TGM6: variants seen among roughly 807,000 people sequenced by gnomAD.
TGM6 encodes protein-glutamine gamma-glutamyltransferase 6.
Under a neutral mutation model 77.5 loss-of-function variants are expected in TGM6, and 74 were observed. The ratio of observed to expected loss-of-function variants is 0.96; its 90% CI spans 0.79 to 1.16. The LOEUF (loss-of-function observed/expected upper bound fraction) is 1.16. Ranked by LOEUF, TGM6 falls within the 50% of genes most tolerant of loss-of-function variation. The pLI is 0.00. For missense variants in TGM6, 968 were observed against 940.2 expected (o/e 1.03, Z -0.39); for synonymous variants, 383 against 378.9 (o/e 1.01, Z -0.12).
intron 4 of TGM6, among the ~76,000 whole-genome samples, chr20:2,396,929 G>A (rs531084657): frequency 6.6e-6 from 1 of 152,292 alleles, no homozygotes; most frequent in African/African-American, 2.4e-5. Context: ...AGGAGGGATG[G>A]CGTGCTGGAC....
intron 9 of TGM6, among the ~76,000 whole-genome samples, chr20:2,404,578 T>C (rs1365120529): frequency 6.6e-6 from 1 of 151,908 alleles, no homozygotes; most frequent in Non-Finnish European, 1.5e-5. Context: ...CACAATCTGC[T>C]CTGAACACCT....
At chr20:2,412,494 T>C (rs1028176702) in intron 9 of TGM6, among the ~76,000 whole-genome samples, 65 of 150,280 alleles carry the variant, frequency 4.3e-4, no homozygotes, top group African/African-American at 1.5e-3. Flanking sequence ...TTTTATGTTA[T>C]GTATTTTATC....
intron 9 of TGM6, among the ~76,000 whole-genome samples, chr20:2,408,890 A>G (rs1000416488): frequency 2.6e-5 from 4 of 152,240 alleles, no homozygotes; most frequent in African/African-American, 9.6e-5. Flanking sequence ...TCAGATACTG[A>G]TAAGTATTTT....
intron 9 of TGM6, among the ~76,000 whole-genome samples, chr20:2,404,111 T>A (rs2084733911): frequency 6.6e-6 from 1 of 152,256 alleles, no homozygotes; most frequent in South Asian, 2.1e-4. Context: ...GCATTAGGTA[T>A]GTTCACATAC....
chr20:2,421,836 C>A (rs950936604), intron 10 of TGM6, among the ~76,000 whole-genome samples: 4 of 151,668 alleles, frequency 2.6e-5, no homozygotes, highest in African/African-American at 9.7e-5. Context: ...GGTATTGTAT[C>A]AAAAAAAATT....
At chr20:2,408,774 G>A (rs2084767701) in intron 9 of TGM6, among the ~76,000 whole-genome samples, 1 of 152,146 alleles carries the variant, frequency 6.6e-6, no homozygotes, top group African/African-American at 2.4e-5. Flanking sequence ...CTGAGTGCCA[G>A]GCAACCAGTG....
intron 4 of TGM6, among the ~76,000 whole-genome samples, chr20:2,397,301 C>A (rs1296928889): frequency 1.3e-5 from 2 of 152,176 alleles, no homozygotes; most frequent in African/African-American, 4.8e-5. Flanking sequence ...TAGAGGAATT[C>A]TGTCTGCCTG....
chr20:2,400,826 G>A (rs2084704147), intron 7 of TGM6, among the ~76,000 whole-genome samples: 1 of 152,046 alleles, frequency 6.6e-6, no homozygotes, highest in South Asian at 2.1e-4. Flanking sequence ...TGTCTCAGGT[G>A]GGAAACAGAC....
chr20:2,382,345 C>T (rs1412323028), intron 1 of TGM6, among the ~76,000 whole-genome samples: 3 of 152,136 alleles, frequency 2.0e-5, no homozygotes, highest in Non-Finnish European at 4.4e-5. Context: ...CCCTGATGGC[C>T]CTGGTGCAGA....
At chr20:2,418,343 G>T (rs755188500) in intron 10 of TGM6, among the ~76,000 whole-genome samples, 42 of 152,334 alleles carry the variant, frequency 2.8e-4, no homozygotes, top group Non-Finnish European at 5.6e-4. Flanking sequence ...CCTGTCCCAA[G>T]AATTCTGCAT....
intron 3 of TGM6, among the ~76,000 whole-genome samples, chr20:2,396,219 A>G (rs1412429327): frequency 1.3e-5 from 2 of 151,960 alleles, no homozygotes; most frequent in Admixed American, 1.3e-4. Context: ...GAAAAAAAGA[A>G]GGAAATATGA....
At chr20:2,386,093 C>T (rs771545846) in intron 1 of TGM6, among the ~76,000 whole-genome samples, 1 of 152,160 alleles carries the variant, frequency 6.6e-6, no homozygotes, top group African/African-American at 2.4e-5. Context: ...TCTATCTCCT[C>T]GCCTTGGGCT....
intron 9 of TGM6, among the ~76,000 whole-genome samples, chr20:2,404,493 G>T (rs1384749219): frequency 6.6e-6 from 1 of 152,080 alleles, no homozygotes; most frequent in Non-Finnish European, 1.5e-5. Context: ...GCTCAAACTT[G>T]AATTAGACCC....
At chr20:2,400,540 C>T in intron 7 of TGM6, 96 bp downstream of exon 7, 1 of 1,561,314 alleles carries the variant, frequency 6.4e-7, no homozygotes, top group Non-Finnish European at 8.7e-7. Flanking sequence ...AGCGGCAGGC[C>T]CAGAGCCCAG....
At chr20:2,400,277 C>A in intron 6 of TGM6, 29 bp from the exon 7 acceptor site, 3 of 1,613,768 alleles carry the variant, frequency 1.9e-6, no homozygotes, top group Non-Finnish European at 2.5e-6. Flanking sequence ...GCCAGGGTCC[C>A]GCCTGCTCCG....
intron 2 of TGM6, 77 bp downstream of exon 2, chr20:2,394,702 T>A (rs1003333508): frequency 2.7e-6 from 4 of 1,468,476 alleles, no homozygotes; most frequent in African/African-American, 1.4e-5. Flanking sequence ...CATAAGACCT[T>A]GCAGTCAGCA....
At chr20:2,409,699 G>A (rs1011437674) in intron 9 of TGM6, among the ~76,000 whole-genome samples, 6 of 148,780 alleles carry the variant, frequency 4.0e-5, no homozygotes, top group Admixed American at 1.3e-4. Context: ...ATCACAAAGC[G>A]AGACTGTCTC....
intron 1 of TGM6, among the ~76,000 whole-genome samples, chr20:2,391,287 T>C (rs1226297440): frequency 6.6e-6 from 1 of 152,144 alleles, no homozygotes; most frequent in African/African-American, 2.4e-5. Flanking sequence ...GTTGTTTGTG[T>C]TATCCCAAAT....
At chr20:2,414,978 CG>C (rs1327145096) in intron 9 of TGM6, among the ~76,000 whole-genome samples, 2 of 149,606 alleles carry the variant, frequency 1.3e-5, no homozygotes, top group Non-Finnish European at 3.0e-5. Flanking sequence ...ATTGTGGTGA[CG>C]GGGTGCACAA....
Sources: gnomAD v4.1 joint callset for allele counts (sites outside exome capture counted in the v4.1 genomes callset) on GRCh38, gnomAD v4.1.1 for gene constraint, MANE v1.5 for transcripts, NCBI Gene and HGNC (gene_info 2026-07-23, HGNC 2026-07-21) for gene names.